Variants in SAMMSON observed in about 807,000 individuals in gnomAD.
SAMMSON encodes long intergenic non-protein coding RNA 1212.
intron 3 of SAMMSON, among the ~76,000 whole-genome samples, chr3:70,022,426 C>CAAAAAAAAAAAAAAAAAAAAAA (rs60455629): frequency 1.4e-4 from 13 of 91,106 alleles, no homozygotes; most frequent in Non-Finnish European, 2.0e-4. Context: ...AGTATAATAA[C>CAAAAAAAAAAAAAAAAAAAAAA]AAAAAAAAAA....
At chr3:70,048,837 C>T (rs949001151) in intron 3 of SAMMSON, among the ~76,000 whole-genome samples, 3 of 152,044 alleles carry the variant, frequency 2.0e-5, no homozygotes, top group East Asian at 1.9e-4. Flanking sequence ...TGAGAGAAGA[C>T]GGTTAAACCC....
intron 4 of SAMMSON, among the ~76,000 whole-genome samples, chr3:70,211,039 A>G (rs1196924366): frequency 6.6e-6 from 1 of 152,128 alleles, no homozygotes; most frequent in African/African-American, 2.4e-5. Context: ...TTTGATCACT[A>G]AATGTGACTT....
At chr3:70,272,489 G>T (rs564598972) in intron 6 of SAMMSON, among the ~76,000 whole-genome samples, 1 of 152,158 alleles carries the variant, frequency 6.6e-6, no homozygotes, top group Non-Finnish European at 1.5e-5. Context: ...ACCAAAATTT[G>T]TTTATCTGTT....
At chr3:70,032,273 GC>G (rs61487356) in intron 3 of SAMMSON, among the ~76,000 whole-genome samples, 5,820 of 151,612 alleles carry the variant, frequency 0.038, 329 homozygotes, top group African/African-American at 0.12. Flanking sequence ...AAGGGTACAG[GC>G]AAAAAAAATC....
At chr3:70,022,448 A>AAAAAAT (rs2067019590) in intron 3 of SAMMSON, among the ~76,000 whole-genome samples, 1 of 129,850 alleles carries the variant, frequency 7.7e-6, no homozygotes, top group African/African-American at 3.0e-5. Context: ...AAAAAAAAAA[A>AAAAAAT]AAGAAATTGT....
At chr3:70,420,212 C>T (rs1701300554) in intron 2 of SAMMSON, among the ~76,000 whole-genome samples, 1 of 152,046 alleles carries the variant, frequency 6.6e-6, no homozygotes, top group Admixed American at 6.6e-5. Context: ...GGTGGGTTTT[C>T]TTGTATTTAT....
intron 9 of SAMMSON, among the ~76,000 whole-genome samples, chr3:70,372,823 G>A (rs946769995): frequency 6.6e-6 from 1 of 152,074 alleles, no homozygotes; most frequent in African/African-American, 2.4e-5. Flanking sequence ...AACTCTTCTA[G>A]CAGTTGCTCT....
chr3:70,288,424 T>C (rs1051220772), intron 6 of SAMMSON, among the ~76,000 whole-genome samples: 11 of 150,204 alleles, frequency 7.3e-5, no homozygotes, highest in South Asian at 6.5e-4. Flanking sequence ...GTCTGAGAGA[T>C]AGTTTGTTAT....
At chr3:70,147,510 G>A (rs1453967904) in intron 4 of SAMMSON, among the ~76,000 whole-genome samples, 1 of 152,004 alleles carries the variant, frequency 6.6e-6, no homozygotes, top group Non-Finnish European at 1.5e-5. Context: ...ACCCACATGA[G>A]TATACCAACT....
chr3:70,029,543 C>A lies in SAMMSON; in HGVS notation n.417+15871C>A, dbSNP rs998753019. Among the ~76,000 whole-genome samples the A allele has an allele frequency of 6.6e-5, 10 of 152,092 alleles. No individual in the cohort carries two copies. In the South Asian group the frequency reaches 1.9e-3, roughly 28 times the overall value. ...CTGAGGTGGGCAGATCAGTTGAGGC[C>A]AGGAGTTTGAGGCCAGCCTGGCCAA... On this transcript the variant is annotated intron_variant and non_coding_transcript_variant, in intron 3 of 9. Transcript: ENST00000642114.
chr3:70,212,965 A>G (rs192123586), intron 4 of SAMMSON, among the ~76,000 whole-genome samples: 41 of 151,872 alleles, frequency 2.7e-4, no homozygotes, highest in Admixed American at 9.8e-4. Flanking sequence ...AGCTTATTAT[A>G]GTATTATTAT....
At chr3:70,126,166 G>C in intron 4 of SAMMSON, 1 of 1,203,904 alleles carries the variant, frequency 8.3e-7, no homozygotes, top group Non-Finnish European at 1.2e-6. Context: ...ATTAAGAAAA[G>C]TCAGCCCATG....
intron 4 of SAMMSON, among the ~76,000 whole-genome samples, chr3:70,116,258 T>C (rs1025879216): frequency 6.6e-6 from 1 of 151,370 alleles, no homozygotes; most frequent in Non-Finnish European, 1.5e-5. Context: ...AGTTAATGAC[T>C]TGTTTTCAAG....
At chr3:70,328,679 A>G (rs1365265363) in intron 7 of SAMMSON, among the ~76,000 whole-genome samples, 2 of 152,186 alleles carry the variant, frequency 1.3e-5, no homozygotes, top group Non-Finnish European at 2.9e-5. Flanking sequence ...TGAGTGGTGA[A>G]CAACTTTAAA....
At chr3:70,173,814 G>T (rs1186935499) in intron 4 of SAMMSON, among the ~76,000 whole-genome samples, 1 of 151,714 alleles carries the variant, frequency 6.6e-6, no homozygotes, top group African/African-American at 2.4e-5. Context: ...TACTCATAAA[G>T]TTTTCTCCTT....
In SAMMSON at chr3:70,193,892, G is replaced by T. The variant is rs115323209; in HGVS notation, n.508-55215G>T. On this transcript the variant is annotated intron_variant and non_coding_transcript_variant, in intron 4 of 9. Transcript: ENST00000642114. ...AAAAAATGCTAATATGACCTCCCAT[G>T]ATGTTTCCTATTTATAAAGTTTCTC... Among the ~76,000 whole-genome samples the T allele has an allele frequency of 4.4e-4, 67 of 152,176 alleles. 1 individual carries two copies. The highest frequency in any genetic ancestry group is 1.1e-3 in the African/African-American group (46 of 41,524).
intron 4 of SAMMSON, among the ~76,000 whole-genome samples, chr3:70,218,645 A>G (rs1190443918): frequency 2.0e-5 from 3 of 152,148 alleles, no homozygotes; most frequent in Non-Finnish European, 2.9e-5. Flanking sequence ...CTTGGGTGGC[A>G]TAACACCTCC....
intron 7 of SAMMSON, among the ~76,000 whole-genome samples, chr3:70,299,445 A>G (rs977863574): frequency 1.3e-5 from 2 of 152,098 alleles, no homozygotes; most frequent in Non-Finnish European, 2.9e-5. Flanking sequence ...TAGATAACTT[A>G]CGTAAAGCCA....
At chr3:70,323,062 A>T (rs941678014) in intron 7 of SAMMSON, among the ~76,000 whole-genome samples, 1 of 152,094 alleles carries the variant, frequency 6.6e-6, no homozygotes, top group Non-Finnish European at 1.5e-5. Flanking sequence ...GAAATTTCTC[A>T]TTCCACAAAT....
Sources: gnomAD v4.1 joint callset for allele counts (sites outside exome capture counted in the v4.1 genomes callset) on GRCh38, gnomAD v4.1.1 for gene constraint, MANE v1.5 for transcripts, NCBI Gene and HGNC (gene_info 2026-07-23, HGNC 2026-07-21) for gene names.